Variants in ERBB4 observed in about 807,000 individuals in gnomAD.
ERBB4 encodes erb-b2 receptor tyrosine kinase 4, also known as receptor tyrosine-protein kinase erbB-4.
ERBB4 carries 42 observed loss-of-function variants against 158.0 expected under a neutral mutation model. The ratio of observed to expected loss-of-function variants is 0.27; its 90% confidence interval spans 0.21 to 0.34. The LOEUF (loss-of-function observed/expected upper bound fraction) is 0.34. Among genes scored for constraint, ERBB4 ranks in the 10% least tolerant of loss-of-function variants. ERBB4 has a pLI of 1.00. For synonymous variants in ERBB4, 583 were observed against 558.7 expected, an observed-to-expected ratio of 1.04 and a Z score of -0.61; for missense variants, 1,333 against 1,624.1, an observed-to-expected ratio of 0.82 and a Z score of 3.08.
chr2:212,300,536 C>T (rs1442843566), intron 1 of ERBB4, among the ~76,000 whole-genome samples: 3 of 151,188 alleles, frequency 2.0e-5, no homozygotes, highest in African/African-American at 7.3e-5. Flanking sequence ...TTAAAATATC[C>T]CAGCCTACAA....
intron 1 of ERBB4, among the ~76,000 whole-genome samples, chr2:212,254,442 C>T (rs150947651): frequency 6.6e-6 from 1 of 152,246 alleles, no homozygotes; most frequent in African/African-American, 2.4e-5. Flanking sequence ...TGGCAATGAA[C>T]ATTTTGCTAT....
At chr2:212,434,988 G>A (rs13390934) in intron 1 of ERBB4, among the ~76,000 whole-genome samples, 75,357 of 151,742 alleles carry the variant, frequency 0.5, 19,979 homozygotes, top group African/African-American at 0.68. Flanking sequence ...CTGAACTCAA[G>A]CTTTTTTCTA....
intron 1 of ERBB4, among the ~76,000 whole-genome samples, chr2:212,213,858 G>T (rs1293418309): frequency 1.3e-5 from 2 of 151,618 alleles, no homozygotes; most frequent in Non-Finnish European, 3.0e-5. Context: ...TTCAAATAAG[G>T]TTTTCAGGCC....
chr2:211,976,068 T>C (rs1160706764), intron 2 of ERBB4, among the ~76,000 whole-genome samples: 1 of 152,182 alleles, frequency 6.6e-6, no homozygotes, highest in Admixed American at 6.5e-5. Context: ...TCTGTGGAAA[T>C]GGGCAGAGAA....
At position 212,025,117 on chromosome 2, in the gene ERBB4, A is replaced by T. The variant is rs537254794; in HGVS notation, c.235-77501T>A. 4.6e-5 allele frequency among the ~76,000 whole-genome samples: 7 copies of T among 152,012 alleles called. No homozygotes were observed. The South Asian group carries it at 1.5e-3, about 31-fold the overall frequency. ...TGGCAGTTTAGAGAAAGGAGAGGTC[A>T]TATAGCTTTTAGACATACTGGTACA... On this transcript the variant is annotated intron_variant, in intron 2 of 27. Coordinates refer to ENST00000342788, the MANE Select transcript of ERBB4 (RefSeq NM_005235.3).
intron 3 of ERBB4, among the ~76,000 whole-genome samples, chr2:211,899,395 A>G (rs1479767931): frequency 1.3e-5 from 2 of 152,146 alleles, no homozygotes; most frequent in Non-Finnish European, 2.9e-5. Context: ...CATATTTTAA[A>G]TTCGGGCAAT....
intron 2 of ERBB4, among the ~76,000 whole-genome samples, chr2:212,061,287 T>C (rs2125421886): frequency 6.6e-6 from 1 of 151,528 alleles, no homozygotes; most frequent in South Asian, 2.1e-4. Context: ...GCTCCATCTC[T>C]ACTAAAAATA....
intron 1 of ERBB4, among the ~76,000 whole-genome samples, chr2:212,381,462 T>C (rs1379972201): frequency 6.6e-6 from 1 of 151,470 alleles, no homozygotes; most frequent in Non-Finnish European, 1.5e-5. Context: ...TAAGTGACAC[T>C]ATTACATGTA....
intron 3 of ERBB4, among the ~76,000 whole-genome samples, chr2:211,794,410 T>C (rs1001100915): frequency 3.3e-5 from 5 of 151,920 alleles, no homozygotes; most frequent in African/African-American, 9.7e-5. Flanking sequence ...CCCTATCTTA[T>C]TGGAGGTCCC....
chr2:212,188,644 G>T (rs1290327893), intron 1 of ERBB4, among the ~76,000 whole-genome samples: 8 of 151,668 alleles, frequency 5.3e-5, no homozygotes, highest in Admixed American at 5.3e-4. Context: ...TTGTTCAATA[G>T]ATTTGAATTG....
At chr2:211,391,635 A>G (rs2062801626) in intron 25 of ERBB4, among the ~76,000 whole-genome samples, 1 of 152,360 alleles carries the variant, frequency 6.6e-6, no homozygotes, top group East Asian at 1.9e-4. Context: ...CAGAGATTAA[A>G]GAGAAGGCAA....
At chr2:212,459,519 C>T (rs1343820314) in intron 1 of ERBB4, among the ~76,000 whole-genome samples, 1 of 152,072 alleles carries the variant, frequency 6.6e-6, no homozygotes, top group Non-Finnish European at 1.5e-5. Context: ...AATGACCATA[C>T]TACCAAAAGC....
intron 1 of ERBB4, among the ~76,000 whole-genome samples, chr2:212,373,456 C>A (rs2090154628): frequency 6.6e-6 from 1 of 151,926 alleles, no homozygotes; most frequent in Admixed American, 6.6e-5. Context: ...GTAATAGTTA[C>A]AGTTTTCATT....
At position 212,373,827 on chromosome 2, in the gene ERBB4, A is replaced by G. The variant is rs62184094; in HGVS notation, c.82+164622T>C. Among the ~76,000 whole-genome samples, 67 of 35,884 alleles carry G rather than the reference A, an allele frequency of 1.9e-3. 2 individuals are homozygous for G. Among genetic ancestry groups the G allele is most frequent in the African/African-American group, 7.4e-3 (32 of 4,306 alleles). The allele number at this position is 35,884 out of a possible 152,430, so 23.5% of individuals were successfully genotyped here. A position where few individuals can be genotyped will look rare whatever the true frequency, so the allele number is the denominator to read the frequency against. ...TATATATATCCATGTATATATCCAT[A>G]TATATATATATCCATGTATATATCC... On this transcript the variant is annotated intron_variant, in intron 1 of 27. Transcript: ENST00000342788.
chr2:212,266,506 A>C (rs549768919), intron 1 of ERBB4, among the ~76,000 whole-genome samples: 5 of 152,016 alleles, frequency 3.3e-5, no homozygotes, highest in Middle Eastern at 3.4e-3. Context: ...TTAAAGGAGA[A>C]TCTCAAGGCA....
At chr2:211,629,679 G>A (rs1469011107) in intron 17 of ERBB4, among the ~76,000 whole-genome samples, 2 of 152,158 alleles carry the variant, frequency 1.3e-5, no homozygotes, top group Middle Eastern at 3.2e-3. Flanking sequence ...AAACAGCATG[G>A]TACTGGTACC....
intron 3 of ERBB4, among the ~76,000 whole-genome samples, chr2:211,944,017 TCAAA>T (rs1339958253): frequency 4.0e-5 from 6 of 149,640 alleles, no homozygotes; most frequent in Middle Eastern, 3.5e-3. Flanking sequence ...TATTCTAATA[TCAAA>T]CAGTGAAAAA....
Position 211,548,341 on chromosome 2 carries a change from TA to T in ERBB4, c.2487+13561del, listed in dbSNP as rs75792174. 1.6e-3 allele frequency among the ~76,000 whole-genome samples: 223 copies of T among 137,608 alleles called. 1 individual carries two copies. Among genetic ancestry groups the T allele is most frequent in the Non-Finnish European group, 1.8e-3 (115 of 62,388 alleles). 90.3% of individuals were successfully genotyped at this position (137,608 alleles called of 152,430 possible). A position where few individuals can be genotyped will look rare whatever the true frequency, so the allele number is the denominator to read the frequency against. ...AAAACTATTGGTGGAAAGGGAAGAT[TA>T]AAAAAAAAAAAACCTTGGGAGATAA... On this transcript the variant is annotated intron_variant, in intron 20 of 27. Transcript: ENST00000342788.
intron 3 of ERBB4, among the ~76,000 whole-genome samples, chr2:211,941,614 A>T (rs1434925114): frequency 6.6e-6 from 1 of 151,342 alleles, no homozygotes; most frequent in African/African-American, 2.4e-5. Flanking sequence ...CAAAGACAGC[A>T]CTCTTCCTGA....
Sources: gnomAD v4.1 joint callset for allele counts (sites outside exome capture counted in the v4.1 genomes callset) on GRCh38, gnomAD v4.1.1 for gene constraint, MANE v1.5 for transcripts, NCBI Gene and HGNC (gene_info 2026-07-23, HGNC 2026-07-21) for gene names.